MUC3A: variants seen among roughly 807,000 people sequenced by gnomAD.
MUC3A encodes mucin-3A.
In MUC3A, 109 loss-of-function variants were observed where a neutral mutation model predicts 109.0. The ratio of observed to expected loss-of-function variants is 1.00; its 90% CI spans 0.86 to 1.17. MUC3A has a LOEUF of 1.17. Ranked by LOEUF, MUC3A falls within the 50% of genes most tolerant of loss-of-function variation. MUC3A has a pLI of 0.00. For missense variants in MUC3A, 3,537 were observed against 2,469.4 expected (o/e 1.43, Z -9.16); for synonymous variants, 1,398 against 981.4 (o/e 1.42, Z -7.93).
Position 100,965,703 on chromosome 7 carries a change from G to A in MUC3A, c.9449-1G>A. The A allele has an allele frequency of 6.3e-7, 1 of 1,596,536 alleles. No individual in the cohort carries two copies. The highest frequency in any genetic ancestry group is 8.5e-7 in the Non-Finnish European group (1 of 1,178,616). The stretch of plus-strand genomic sequence containing the variant: ...TGTGCATCCCCCTCCCCAACCCCCA[G>A]CCATCTGCCGCCGCGCCGCTCCCAC... On this transcript the variant is annotated splice_acceptor_variant, in intron 7 of 11. Transcript: ENST00000379458. LOFTEE classifies it high-confidence loss of function.
rs1177540818 is a variant in MUC3A at position 100,963,575 on chromosome 7, G to A, written c.9169-113G>A. ...GTTGGGATTACAGGCGTGAGCCACG[G>A]CACCCGGCCGGGGAGGGGAATTGAA... On this transcript the variant is annotated intron_variant, in intron 4 of 11. Transcript: ENST00000379458. 7.8e-6 allele frequency: 12 copies of A among 1,529,530 alleles called. No individual in the cohort carries two copies. The Admixed American group carries it at 2.0e-4, about 26-fold the overall frequency. 94.7% of individuals were successfully genotyped at this position (1,529,530 alleles called of 1,614,324 possible).
chr7:100,966,822 T>A, intron 10 of MUC3A, 77 bp from the exon 11 acceptor site: 2 of 1,598,418 alleles, frequency 1.3e-6, no homozygotes, highest in Non-Finnish European at 8.5e-7. Context: ...CCTGCCTTCC[T>A]CGCATTTACT....
In MUC3A at chr7:100,958,855, C is replaced by A. The variant is rs751052926; in HGVS notation, c.7076C>A (p.Thr2359Asn). ...ETNSHSTTSF[T>N]SSITTTETTS... ...AACTCTCACAGTACTACCAGCTTCA[C>A]TTCTTCGATCACCACCACCGAGACC... is the stretch of plus-strand genomic sequence containing the variant. The change falls in exon 2 of 12, where the codon ACT becomes AAT. Residue 2359 changes from threonine (T) to asparagine (N), a missense_variant. Physicochemically the swap from Thr to Asn is moderately conservative, Grantham distance 65. Coordinates refer to ENST00000379458, the MANE Select transcript of MUC3A (RefSeq NM_005960.2). 3.6e-6 allele frequency: 5 copies of A among 1,407,222 alleles called. No homozygotes were observed. The South Asian group carries it at 6.7e-5, about 19-fold the overall frequency. 87.2% of individuals were successfully genotyped at this position (1,407,222 alleles called of 1,614,324 possible). A position where few individuals can be genotyped will look rare whatever the true frequency, so the allele number is the denominator to read the frequency against.
chr7:100,962,339 G>C (rs1353623451), intron 3 of MUC3A, among the ~76,000 whole-genome samples: 1 of 152,220 alleles, frequency 6.6e-6, no homozygotes, highest in African/African-American at 2.4e-5. Flanking sequence ...AATCACTTGA[G>C]CCTGGGAGTT....
chr7:100,956,477 TGTGA>T lies in MUC3A; in HGVS notation c.4701_4704del (p.Ser1568GlnfsTer24). 1 of 587,182 alleles carries T rather than the reference TGTGA, an allele frequency of 1.7e-6. No homozygotes were observed. The highest frequency in any genetic ancestry group is 3.0e-6 in the Non-Finnish European group (1 of 331,734). 36.4% of individuals were successfully genotyped at this position (587,182 alleles called of 1,614,324 possible). A position where few individuals can be genotyped will look rare whatever the true frequency, so the allele number is the denominator to read the frequency against. On this transcript the variant is annotated frameshift_variant, in exon 2 of 12. Coordinates refer to ENST00000379458, the MANE Select transcript of MUC3A (RefSeq NM_005960.2). LOFTEE classifies it high-confidence loss of function. ...CTTCTACATCCATGATCCCATCTAC[TGTGA>T]GTACAGGTATCCCTACCTCACAACC...
chr7:100,958,945 C>T lies in MUC3A; in HGVS notation c.7166C>T (p.Thr2389Ile), dbSNP rs1236044994. Residue 2389 changes from threonine (T) to isoleucine (I), a missense_variant, in exon 2 of 12, where the codon ACT (threonine) becomes ATT (isoleucine). Coordinates refer to ENST00000379458, the MANE Select transcript of MUC3A (RefSeq NM_005960.2). ...ACCACTGAGACCCCCTTACACAGTA[C>T]TCCTGGCCTCACTTCGTGGGTCACC... The part of the protein sequence containing the change: ...ITTTETPLHS[T>I]PGLTSWVTTT... 3.1e-6 allele frequency: 5 copies of T among 1,593,146 alleles called. No individual in the cohort carries two copies. The highest frequency in any genetic ancestry group is 4.2e-6 in the Non-Finnish European group (5 of 1,177,042).
At position 100,963,286 on chromosome 7, in the gene MUC3A, G is replaced by GTTT; in HGVS notation, c.9168+20_9168+21insTTT. 4.7e-6 allele frequency: 7 copies of GTTT among 1,494,662 alleles called. No homozygotes were observed. Among genetic ancestry groups the GTTT allele is most frequent in the Non-Finnish European group, 5.4e-6 (6 of 1,120,308 alleles). The allele number at this position is 1,494,662 out of a possible 1,614,324, so 92.6% of individuals were successfully genotyped here. A position where few individuals can be genotyped will look rare whatever the true frequency, so the allele number is the denominator to read the frequency against. On this transcript the variant is annotated intron_variant, in intron 4 of 11. Coordinates refer to ENST00000379458, the MANE Select transcript of MUC3A (RefSeq NM_005960.2). ...AATCAGGTAAAGGGCAAAGAGAGGG[G>GTTT]ATTTTTTTTTTTTTTTTGAGGTGTA...
rs1444720263 is a variant in MUC3A, at chr7:100,965,203, C to A, written c.9383-79C>A. Reference sequence around the variant, plus strand: ...CCCTCACTGCCCTCCCTGTGCCTATCCTGCCTCCTGGCGCTAACCCCTTGA... The same window carrying A: ...CCCTCACTGCCCTCCCTGTGCCTATACTGCCTCCTGGCGCTAACCCCTTGA... On this transcript the variant is annotated intron_variant, in intron 6 of 11. Coordinates refer to ENST00000379458, the MANE Select transcript of MUC3A (RefSeq NM_005960.2). 10 of 1,560,464 alleles carry A rather than the reference C, an allele frequency of 6.4e-6. No homozygotes were observed. In the African/African-American group the frequency reaches 8.1e-5, roughly 13 times the overall value.
rs773629742 is a variant in MUC3A, at chr7:100,952,549, C to T, written c.770C>T (p.Ser257Phe). Residue 257 changes from serine to phenylalanine, a missense_variant, in exon 2 of 12, where the codon TCC becomes TTC. By Grantham distance (155) the Ser-to-Phe change is radical. Coordinates refer to ENST00000379458, the MANE Select transcript of MUC3A (RefSeq NM_005960.2). ...CTCAAAACAGCAGTGACTTCCACTT[C>T]CCCCATCACTTCTTCAATCACTTCC... ...TTLKTAVTST[S>F]PITSSITSTN... 1.9e-6 allele frequency: 3 copies of T among 1,598,492 alleles called. No homozygotes were observed. Among genetic ancestry groups the T allele is most frequent in the Admixed American group, 1.7e-5 (1 of 60,032 alleles).
Position 100,959,843 on chromosome 7 carries a change from T to G in MUC3A, c.8064T>G (p.Ile2688Met). 6.4e-7 allele frequency: 1 copy of G among 1,570,608 alleles called. No individual in the cohort carries two copies. The highest frequency in any genetic ancestry group is 8.6e-7 in the Non-Finnish European group (1 of 1,166,118). ...TCATCTGGTCCTCAACACCCACTATTATCATGTCCTCTTCTCCATCTTCTG... is the reference window on the plus strand; with the variant it reads ...TCATCTGGTCCTCAACACCCACTATGATCATGTCCTCTTCTCCATCTTCTG... ...STIIWSSTPT[I>M]IMSSSPSSAS... Residue 2688 changes from isoleucine (I) to methionine (M), a missense_variant, in exon 2 of 12, where the codon ATT (isoleucine) becomes ATG (methionine). Coordinates refer to ENST00000379458, the MANE Select transcript of MUC3A (RefSeq NM_005960.2).
intron 6 of MUC3A, 153 bp from the exon 7 acceptor site, chr7:100,965,129 C>G: frequency 9.0e-7 from 1 of 1,111,794 alleles, no homozygotes; most frequent in Non-Finnish European, 1.2e-6. Flanking sequence ...CAGGAGTCTT[C>G]GCCTGTGGCT....
Position 100,964,804 on chromosome 7 carries a change from A to T in MUC3A, c.9343A>T (p.Asn3115Tyr). 1 of 1,598,252 alleles carries T rather than the reference A, an allele frequency of 6.3e-7. No homozygotes were observed. Among genetic ancestry groups the T allele is most frequent in the Non-Finnish European group, 8.5e-7 (1 of 1,179,576 alleles). ...VKTTLKEGLQNASQDVNSCQD... is the reference protein window; with the variant it reads ...VKTTLKEGLQYASQDVNSCQD... ...GACCACGCTGAAGGAGGGGCTGCAG[A>T]ACGCCAGCCAGGATGTGAACAGCTG... Residue 3115 changes from asparagine to tyrosine, a missense_variant, in exon 6 of 12, where the codon AAC (asparagine) becomes TAC (tyrosine). Coordinates refer to ENST00000379458, the MANE Select transcript of MUC3A (RefSeq NM_005960.2).
In MUC3A at chr7:100,955,963, A is replaced by G; in HGVS notation, c.4184A>G (p.Asp1395Gly). The change falls in exon 2 of 12, where the codon GAT (aspartate) becomes GGT (glycine). Residue 1395 changes from aspartate (D) to glycine (G), a missense_variant. Transcript: ENST00000379458. Reference sequence around the variant, plus strand: ...ATCACTTCTTCAATCACTCCCACCGATACAATGACTTCTATGAGAACTACG... The same window carrying G: ...ATCACTTCTTCAATCACTCCCACCGGTACAATGACTTCTATGAGAACTACG... ...PPITSSITPT[D>G]TMTSMRTTTS... 1 of 516,544 alleles carries G rather than the reference A, an allele frequency of 1.9e-6. No individual in the cohort carries two copies. Among genetic ancestry groups the G allele is most frequent in the Middle Eastern group, 2.8e-4 (1 of 3,528 alleles). 32.0% of individuals were successfully genotyped at this position (516,544 alleles called of 1,614,324 possible). A position where few individuals can be genotyped will look rare whatever the true frequency, so the allele number is the denominator to read the frequency against.
chr7:100,951,941 T>G lies in MUC3A; in HGVS notation c.162T>G (p.Ala54=), dbSNP rs1398684363. Residue 54 remains alanine (A), a synonymous_variant, in exon 2 of 12, where the codon GCT becomes GCG. Coordinates refer to ENST00000379458, the MANE Select transcript of MUC3A (RefSeq NM_005960.2). The part of the protein sequence containing the change: ...LSNSPHSRDL[A]GWPLGVPQLA... ...ATTCTCCACACTCCAGAGACCTGGC[T>G]GGGTGGCCACTTGGTGTCCCCCAGC... 4 of 1,598,522 alleles carry G rather than the reference T, an allele frequency of 2.5e-6. No homozygotes were observed. The highest frequency in any genetic ancestry group is 4.5e-5 in the East Asian group (2 of 44,902).
Position 100,960,510 on chromosome 7 carries a change from C to A in MUC3A, c.8731C>A (p.His2911Asn), listed in dbSNP as rs745312960. ...CCTGAGGACTTCAAGCAAGTCAACA[C>A]ACCCCTCCCCACCCACCACTAGGAC... ...TILRTSSKST[H>N]PSPPTTRTSE... Residue 2911 changes from histidine (H) to asparagine (N), a missense_variant, in exon 2 of 12, where the codon CAC (histidine) becomes AAC (asparagine). Physicochemically the swap from His to Asn is moderately conservative, Grantham distance 68. Coordinates refer to ENST00000379458, the MANE Select transcript of MUC3A (RefSeq NM_005960.2). 2 of 1,598,604 alleles carry A rather than the reference C, an allele frequency of 1.3e-6. No homozygotes were observed. The highest frequency in any genetic ancestry group is 2.7e-5 in the African/African-American group (2 of 74,964).
Position 100,957,978 on chromosome 7 carries a change from G to T in MUC3A, c.6199G>T (p.Glu2067Ter). 1 of 542,410 alleles carries T rather than the reference G, an allele frequency of 1.8e-6. No homozygotes were observed. 33.6% of individuals were successfully genotyped at this position (542,410 alleles called of 1,614,324 possible). A position where few individuals can be genotyped will look rare whatever the true frequency, so the allele number is the denominator to read the frequency against. The change falls in exon 2 of 12, where the codon GAG becomes TAG. Residue 2067 changes from glutamate to a stop codon, truncating the protein, a stop_gained. Coordinates refer to ENST00000379458, the MANE Select transcript of MUC3A (RefSeq NM_005960.2). LOFTEE classifies it high-confidence loss of function. ...CTTCACTTCATTGATCACCATCACC[G>T]AGATCACCTCACACAGTACTCTCAG... ...PSFTSLITIT[E>*]ITSHSTLSYT... is the part of the protein sequence containing the mutation.
chr7:100,959,002 G>T lies in MUC3A; in HGVS notation c.7223G>T (p.Gly2408Val), dbSNP rs532326833. The T allele has an allele frequency of 3.1e-5, 45 of 1,466,524 alleles. No homozygotes were observed. In the African/African-American group the frequency reaches 9.7e-4, roughly 32 times the overall value. The allele number at this position is 1,466,524 out of a possible 1,614,324, so 90.8% of individuals were successfully genotyped here. Reference sequence around the variant, plus strand: ...AAGACCACCTCACACATTACTCCTGGCCTCACTTCTTCAATCACCACCACT... The same window carrying T: ...AAGACCACCTCACACATTACTCCTGTCCTCACTTCTTCAATCACCACCACT... ...TTKTTSHITP[G>V]LTSSITTTET... The change falls in exon 2 of 12, where the codon GGC becomes GTC. Residue 2408 changes from glycine to valine, a missense_variant. Coordinates refer to ENST00000379458, the MANE Select transcript of MUC3A (RefSeq NM_005960.2).
chr7:100,951,383 C>A (rs796339836), intron 1 of MUC3A, among the ~76,000 whole-genome samples: 7 of 144,664 alleles, frequency 4.8e-5, no homozygotes, highest in African/African-American at 1.7e-4. Context: ...TCTTTGAAAG[C>A]GGAGTCAGCC....
At position 100,966,753 on chromosome 7, in the gene MUC3A, G is replaced by C. The variant is rs781474175; in HGVS notation, c.9877+10G>C. On this transcript the variant is annotated intron_variant, in intron 10 of 11. Transcript: ENST00000379458. The stretch of plus-strand genomic sequence containing the variant: ...GAGGACGACGGAACAGGTGAGTCCT[G>C]CCTCCTGGGGAAGCAGGCAGAGGCT... The C allele has an allele frequency of 6.3e-7, 1 of 1,598,546 alleles. No homozygotes were observed. The highest frequency in any genetic ancestry group is 8.5e-7 in the Non-Finnish European group (1 of 1,179,826).
Sources: gnomAD v4.1 joint callset for allele counts (sites outside exome capture counted in the v4.1 genomes callset) on GRCh38, gnomAD v4.1.1 for gene constraint, MANE v1.5 for transcripts, NCBI Gene and HGNC (gene_info 2026-07-23, HGNC 2026-07-21) for gene names.